The following ACACA variants were observed in gnomAD, a reference collection of about 807,000 sequenced individuals.
ACACA encodes the protein acetyl-CoA carboxylase alpha.
Under a neutral mutation model 296.1 loss-of-function variants are expected in ACACA, and 103 were observed. The observed-to-expected ratio is 0.35, with a 90% CI of 0.30 to 0.41. The LOEUF (loss-of-function observed/expected upper bound fraction) is 0.41, where lower values mean the gene tolerates loss of function less well. Ranked by LOEUF, ACACA falls within the 10% of genes least tolerant of loss-of-function variation. ACACA has a pLI of 1.00. For synonymous variants in ACACA, 953 were observed against 1,038.6 expected (o/e 0.92, Z 1.58); for missense variants, 1,554 against 2,989.7 (o/e 0.52, Z 11.20).
chr17:37,159,346 C>T (rs532808617), intron 42 of ACACA, among the ~76,000 whole-genome samples: 5 of 151,984 alleles, frequency 3.3e-5, no homozygotes, highest in African/African-American at 9.7e-5. Context: ...CTCTACCTCC[C>T]GAATAGCTGG....
Position 37,270,785 on chromosome 17 carries a change from T to C in ACACA, c.1085A>G (p.Asn362Ser), listed in dbSNP as rs759295791. The change falls in exon 10 of 56, where the codon AAC becomes AGC. Residue 362 changes from asparagine to serine, a missense_variant. This residue lies in a region of ACACA where 82 missense variants were observed against 185.2 expected (regional missense o/e 0.44). Coordinates refer to ENST00000616317, the MANE Select transcript of ACACA (RefSeq NM_198834.3). Reference sequence around the variant, plus strand: ...GAGATTAGGGAAGTCATCTGCATTGTTGACTTTTCTAATTCCCTTCCCTCC... The same window carrying C: ...GAGATTAGGGAAGTCATCTGCATTGCTGACTTTTCTAATTCCCTTCCCTCC... ...GGGGKGIRKV[N>S]NADDFPNLFR... 6.2e-6 allele frequency: 10 copies of C among 1,613,904 alleles called. No homozygotes were observed. Among genetic ancestry groups the C allele is most frequent in the South Asian group, 1.1e-5 (1 of 91,084 alleles).
At chr17:37,320,707 G>A (rs1445202772) in intron 3 of ACACA, among the ~76,000 whole-genome samples, 1 of 152,000 alleles carries the variant, frequency 6.6e-6, no homozygotes, top group African/African-American at 2.4e-5. Context: ...AGCACTTTGG[G>A]AAGCCGAGGC....
Position 37,308,603 on chromosome 17 carries a change from C to A in ACACA, c.338+21570G>T, listed in dbSNP as rs1385895076. ...AGAAAGACATGAAAATCTGAATAAT[C>A]CTAAATCTACTACAGAAATCAAATA... is the stretch of plus-strand genomic sequence containing the variant. On this transcript the variant is annotated intron_variant, in intron 3 of 55. Coordinates refer to ENST00000616317, the MANE Select transcript of ACACA (RefSeq NM_198834.3). Among the ~76,000 whole-genome samples, 4 of 152,156 alleles carry A rather than the reference C, an allele frequency of 2.6e-5. No homozygotes were observed. The South Asian group carries it at 6.2e-4, about 24-fold the overall frequency.
At chr17:37,386,403 C>G (rs1204578219) in intron 1 of ACACA, among the ~76,000 whole-genome samples, 2 of 151,972 alleles carry the variant, frequency 1.3e-5, no homozygotes, top group African/African-American at 4.8e-5. Flanking sequence ...ACCAGCCTGA[C>G]CAACACGGTG....
At chr17:37,306,155 A>G (rs1464136372) in intron 3 of ACACA, among the ~76,000 whole-genome samples, 3 of 151,856 alleles carry the variant, frequency 2.0e-5, no homozygotes, top group East Asian at 3.9e-4. Flanking sequence ...TGATCCGCCC[A>G]CCTCGGCCTC....
intron 2 of ACACA, 152 bp downstream of exon 2, chr17:37,339,652 G>C (rs2048294668): frequency 3.4e-6 from 2 of 596,066 alleles, no homozygotes; most frequent in Admixed American, 2.9e-5. Flanking sequence ...ACCATTGTTA[G>C]ACTCTTTGTT....
chr17:37,234,260 C>A (rs2080004847), intron 25 of ACACA, among the ~76,000 whole-genome samples: 1 of 152,108 alleles, frequency 6.6e-6, no homozygotes, highest in African/African-American at 2.4e-5. Context: ...TGTACTAATT[C>A]CTACAACTAA....
Position 37,112,548 on chromosome 17 carries a change from A to G in ACACA, c.6452+540T>C, listed in dbSNP as rs140114261. Among the ~76,000 whole-genome samples the G allele has an allele frequency of 4.6e-5, 7 of 152,300 alleles. No individual in the cohort carries two copies. In the South Asian group the frequency reaches 8.3e-4, roughly 18 times the overall value. ...CTATAGAGGAATTGTCTCTGATCTG[A>G]TATCAGATGAGTTTAGGACTTAAAA... On this transcript the variant is annotated intron_variant, in intron 51 of 55. Transcript: ENST00000616317.
intron 45 of ACACA, chr17:37,143,788 G>T: frequency 9.2e-7 from 1 of 1,084,030 alleles, no homozygotes; most frequent in Non-Finnish European, 1.4e-6. Context: ...CTTTTTTGCT[G>T]CATCAGGCTT....
chr17:37,277,133 T>C lies in ACACA; in HGVS notation c.721-19A>G, dbSNP rs753784457. On this transcript the variant is annotated intron_variant, in intron 6 of 55. Transcript: ENST00000616317. ...ACACTGCCTGCAAGGGAATACAATA[T>C]AATTCATTCTTAAAATTCATACAAA... 2 of 1,603,636 alleles carry C rather than the reference T, an allele frequency of 1.2e-6. No homozygotes were observed. The highest frequency in any genetic ancestry group is 1.7e-6 in the Non-Finnish European group (2 of 1,170,420).
intron 40 of ACACA, among the ~76,000 whole-genome samples, chr17:37,180,288 C>T (rs1035017482): frequency 5.9e-5 from 9 of 152,142 alleles, no homozygotes; most frequent in South Asian, 2.1e-4. Context: ...AGGGAAATAC[C>T]GAATGAAGGT....
chr17:37,156,053 CTTTTTTTTTTTTTT>C (rs60787242), intron 42 of ACACA, among the ~76,000 whole-genome samples: 3 of 94,006 alleles, frequency 3.2e-5, no homozygotes, highest in South Asian at 4.0e-4. Flanking sequence ...TTCTTTCTTT[CTTTTTTTTTTTTTT>C]TTTTTTTTTT....
intron 10 of ACACA, among the ~76,000 whole-genome samples, chr17:37,266,978 A>C (rs1039619240): frequency 1.3e-5 from 2 of 152,290 alleles, no homozygotes; most frequent in African/African-American, 2.4e-5. Context: ...AGTCTTCATT[A>C]ACATCCTCCT....
intron 3 of ACACA, among the ~76,000 whole-genome samples, chr17:37,298,449 A>G (rs2083458834): frequency 6.6e-6 from 1 of 152,198 alleles, no homozygotes; most frequent in Non-Finnish European, 1.5e-5. Context: ...CTGGAGGCCA[A>G]AGTGGCAGAA....
chr17:37,291,143 T>TATACACACACACACACACACACAC (rs2083038810), intron 3 of ACACA, among the ~76,000 whole-genome samples: 3 of 136,954 alleles, frequency 2.2e-5, no homozygotes, highest in Admixed American at 1.5e-4. Context: ...GAAAAACACA[T>TATACACACACACACACACACACAC]ACACACACAC....
At chr17:37,299,180 G>GA (rs1042731640) in intron 3 of ACACA, 51 of 1,260,486 alleles carry the variant, frequency 4.0e-5, no homozygotes, top group Middle Eastern at 5.4e-4. Context: ...TTTAAAGATA[G>GA]AAAAAAAATG....
intron 45 of ACACA, among the ~76,000 whole-genome samples, chr17:37,135,874 A>G (rs1217080894): frequency 6.6e-6 from 1 of 151,950 alleles, no homozygotes; most frequent in African/African-American, 2.4e-5. Flanking sequence ...GTAGGTAGGG[A>G]CTTGAGATTT....
chr17:37,133,830 A>G (rs2143577373), intron 45 of ACACA, among the ~76,000 whole-genome samples: 1 of 152,342 alleles, frequency 6.6e-6, no homozygotes, highest in African/African-American at 2.4e-5. Context: ...CTGAGGCCTC[A>G]CTTTCTTGCC....
intron 1 of ACACA, among the ~76,000 whole-genome samples, chr17:37,374,168 G>C (rs1251851905): frequency 6.6e-6 from 1 of 152,042 alleles, no homozygotes; most frequent in Non-Finnish European, 1.5e-5. Flanking sequence ...AGACCAACCT[G>C]GGCAACACAG....
Sources: gnomAD v4.1 joint callset for allele counts (sites outside exome capture counted in the v4.1 genomes callset) on GRCh38, gnomAD v4.1.1 for gene constraint, gnomAD v4.1.1 regional missense constraint, MANE v1.5 for transcripts, NCBI Gene and HGNC (gene_info 2026-07-23, HGNC 2026-07-21) for gene names.